Variants in TBC1D5 observed in about 807,000 individuals in gnomAD.
TBC1D5 encodes TBC1 domain family member 5, also known as TBC1 domain family, member 5.
TBC1D5 carries 75 observed loss-of-function variants against 100.3 expected under a neutral mutation model. The observed-to-expected ratio is 0.75, with a 90% confidence interval of 0.62 to 0.91. The LOEUF is 0.91. TBC1D5 is among the 40% of genes least tolerant of loss of function. The pLI, the probability that TBC1D5 is intolerant of heterozygous loss-of-function variation, is 0.00. For synonymous variants in TBC1D5, 323 were observed against 325.6 expected (o/e 0.99, Z 0.09); for missense variants, 910 against 942.4 (o/e 0.97, Z 0.45).
chr3:17,530,776 T>C (rs2096210833), intron 2 of TBC1D5, among the ~76,000 whole-genome samples: 1 of 152,032 alleles, frequency 6.6e-6, no homozygotes, highest in South Asian at 2.1e-4. Flanking sequence ...TTTGACAAAA[T>C]TCAACAACCC....
Position 17,502,785 on chromosome 3 carries a change from C to T in TBC1D5, c.97+5689G>A, listed in dbSNP as rs1312913617. 2.0e-5 allele frequency among the ~76,000 whole-genome samples: 3 copies of T among 149,624 alleles called. No individual in the cohort carries two copies. The East Asian group carries it at 5.8e-4, about 29-fold the overall frequency. ...CTAGATTTCCCTGTCTCAATACTGG[C>T]ATTATCACAGACCTAACTAGTCAAC... On this transcript the variant is annotated intron_variant, in intron 3 of 21. Coordinates refer to ENST00000253692, the Ensembl canonical transcript of TBC1D5.
At chr3:17,239,291 T>C (rs1331791795) in intron 16 of TBC1D5, among the ~76,000 whole-genome samples, 1 of 152,190 alleles carries the variant, frequency 6.6e-6, no homozygotes, top group Non-Finnish European at 1.5e-5. Flanking sequence ...CATTTGTGCT[T>C]TGAATCCCAT....
chr3:17,451,264 A>G (rs1395029606), intron 3 of TBC1D5, among the ~76,000 whole-genome samples: 1 of 152,262 alleles, frequency 6.6e-6, no homozygotes, highest in Non-Finnish European at 1.5e-5. Flanking sequence ...AGTACCACCC[A>G]CTGCAAAAAC....
At chr3:17,706,425 A>G (rs1184760831) in intron 1 of TBC1D5, among the ~76,000 whole-genome samples, 1 of 29,470 alleles carries the variant, frequency 3.4e-5, no homozygotes, top group Non-Finnish European at 9.5e-5. Context: ...CTTTACTTAC[A>G]CACACACACA....
chr3:17,288,070 T>C (rs1296385451), intron 15 of TBC1D5, among the ~76,000 whole-genome samples: 2 of 152,246 alleles, frequency 1.3e-5, no homozygotes, highest in Non-Finnish European at 2.9e-5. Flanking sequence ...TGTTTCACTG[T>C]TGCTATTAAT....
intron 18 of TBC1D5, among the ~76,000 whole-genome samples, chr3:17,188,846 G>T (rs997888199): frequency 3.3e-5 from 5 of 152,180 alleles, no homozygotes; most frequent in African/African-American, 1.2e-4. Context: ...TAATAAAAAT[G>T]CTTGGCTAAT....
intron 1 of TBC1D5, among the ~76,000 whole-genome samples, chr3:17,652,278 A>G (rs1577243657): frequency 6.6e-6 from 1 of 152,154 alleles, no homozygotes; most frequent in Non-Finnish European, 1.5e-5. Context: ...CTACCCTACT[A>G]TATAAAATAT....
chr3:17,714,506 G>A (rs1355101314), intron 1 of TBC1D5, among the ~76,000 whole-genome samples: 1 of 152,202 alleles, frequency 6.6e-6, no homozygotes, highest in Non-Finnish European at 1.5e-5. Context: ...GCCAATCCAC[G>A]AAGACTGGGA....
At chr3:17,341,888 T>C (rs901034788) in intron 13 of TBC1D5, among the ~76,000 whole-genome samples, 7 of 152,250 alleles carry the variant, frequency 4.6e-5, no homozygotes, top group African/African-American at 1.7e-4. Context: ...TAGTAGTAAT[T>C]ACTCCTAGTC....
At chr3:17,390,043 A>G (rs956955332) in intron 8 of TBC1D5, among the ~76,000 whole-genome samples, 12 of 152,152 alleles carry the variant, frequency 7.9e-5, no homozygotes, top group Admixed American at 2.0e-4. Flanking sequence ...TGGCTCATGG[A>G]TACTTACTGC....
At chr3:17,569,231 T>C (rs2096611699) in intron 2 of TBC1D5, among the ~76,000 whole-genome samples, 1 of 151,810 alleles carries the variant, frequency 6.6e-6, no homozygotes, top group African/African-American at 2.4e-5. Context: ...ACATACAAAA[T>C]CTGGCTGGTT....
chr3:17,637,697 T>C (rs998383925), intron 1 of TBC1D5, among the ~76,000 whole-genome samples: 2 of 152,258 alleles, frequency 1.3e-5, no homozygotes, highest in African/African-American at 4.8e-5. Flanking sequence ...TCTTCCCAGC[T>C]GATAAAGATA....
At chr3:17,657,844 C>T (rs1355805295) in intron 1 of TBC1D5, among the ~76,000 whole-genome samples, 3 of 152,308 alleles carry the variant, frequency 2.0e-5, no homozygotes, top group African/African-American at 7.2e-5. Context: ...TTATTAACAA[C>T]ATATTCAGTA....
At chr3:17,290,724 T>C (rs73143789) in intron 15 of TBC1D5, among the ~76,000 whole-genome samples, 2,359 of 152,258 alleles carry the variant, frequency 0.015, 58 homozygotes, top group African/African-American at 0.051. Flanking sequence ...GTACATAAAA[T>C]ATAAATATGG....
intron 17 of TBC1D5, among the ~76,000 whole-genome samples, chr3:17,222,481 AT>A (rs1049737382): frequency 2.0e-5 from 3 of 151,952 alleles, no homozygotes; most frequent in South Asian, 2.1e-4. Flanking sequence ...CCAAATGTCC[AT>A]TTTTTTTCTT....
intron 1 of TBC1D5, among the ~76,000 whole-genome samples, chr3:17,677,256 G>A (rs1244242503): frequency 1.3e-5 from 2 of 152,148 alleles, no homozygotes; most frequent in African/African-American, 4.8e-5. Flanking sequence ...CTACTCATCT[G>A]ACAAAGGGCT....
At chr3:17,336,433 A>G (rs2087811098) in intron 13 of TBC1D5, among the ~76,000 whole-genome samples, 1 of 152,084 alleles carries the variant, frequency 6.6e-6, no homozygotes, top group African/African-American at 2.4e-5. Flanking sequence ...GTAATCAAGC[A>G]GAAGTCTGAA....
At chr3:17,158,775 G>A (rs1310771890) in exon 22 of TBC1D5, 1 of 152,250 alleles carries the variant, frequency 6.6e-6, no homozygotes, top group Admixed American at 6.5e-5. Context: ...CAGGGCGAGT[G>A]ACCCTCAGCT....
exon 18 of TBC1D5, chr3:17,214,217 C>T (rs745543822): frequency 1.9e-6 from 3 of 1,609,832 alleles, no homozygotes; most frequent in South Asian, 1.1e-5. Context: ...AGATTCTTTT[C>T]TGCCCATAGT....
Sources: allele counts gnomAD v4.1 joint callset (sites outside exome capture counted in the v4.1 genomes callset), GRCh38; gene constraint gnomAD v4.1.1; transcripts MANE v1.5; gene names NCBI Gene and HGNC (gene_info 2026-07-23, HGNC 2026-07-21).